SELP: variants seen among roughly 807,000 people sequenced by gnomAD.
The protein encoded by SELP is P-selectin.
In SELP, 92 loss-of-function variants were observed where a neutral mutation model predicts 104.1. The observed-to-expected ratio is 0.88, with a 90% CI of 0.75 to 1.05. SELP has a LOEUF of 1.05. Ranked by LOEUF, SELP falls within the 50% of genes least tolerant of loss-of-function variation. The probability of loss-of-function intolerance (pLI) is 0.00; values close to 1 mark genes in which losing one functional copy is unlikely to be tolerated. For synonymous variants in SELP, 397 were observed against 364.5 expected (o/e 1.09, Z -1.01); for missense variants, 1,022 against 1,017.3 (o/e 1.00, Z -0.06).
chr1:169,622,720 G>A (rs868767571), intron 1 of SELP, among the ~76,000 whole-genome samples: 21 of 152,090 alleles, frequency 1.4e-4, no homozygotes, highest in African/African-American at 3.6e-4. Context: ...GTAGAAAATT[G>A]AAATTTTATA....
rs1571634957 is a variant in SELP, at chr1:169,602,384, T to G, written c.1705+642A>C. 5.3e-5 allele frequency among the ~76,000 whole-genome samples: 8 copies of G among 152,272 alleles called. 1 individual carries two copies. The highest frequency in any genetic ancestry group is 5.2e-4 in the Admixed American group (8 of 15,290). The stretch of plus-strand genomic sequence containing the variant: ...GCTCAGTTGAAGGTGAATGTAGGAA[T>G]GAAGAAATGAAGAATGTAGCTGAAG... On this transcript the variant is annotated intron_variant, in intron 10 of 16. Coordinates refer to ENST00000263686, the MANE Select transcript of SELP (RefSeq NM_003005.4).
Position 169,593,697 on chromosome 1 carries a change from A to C in SELP, c.2315T>G (p.Leu772Arg). The change falls in exon 14 of 17, where the codon CTG becomes CGG. Residue 772 changes from leucine to arginine, a missense_variant. Coordinates refer to ENST00000263686, the MANE Select transcript of SELP (RefSeq NM_003005.4). The stretch of plus-strand genomic sequence containing the variant: ...AGCCACCGCTCCACCAAAGTAAGTC[A>C]GGGCTTCCTGGATAGTCAATGGTCC... ...QAGPLTIQEA[L>R]TYFGGAVAST... 1 of 1,613,560 alleles carries C rather than the reference A, an allele frequency of 6.2e-7. No homozygotes were observed. Among genetic ancestry groups the C allele is most frequent in the Non-Finnish European group, 8.5e-7 (1 of 1,179,574 alleles).
At chr1:169,626,678 A>C (rs1361052649) in intron 1 of SELP, among the ~76,000 whole-genome samples, 1 of 152,194 alleles carries the variant, frequency 6.6e-6, no homozygotes, top group Non-Finnish European at 1.5e-5. Context: ...GAACACATGC[A>C]CTTAATGGTG....
chr1:169,606,360 T>C (rs1662193585), intron 9 of SELP, among the ~76,000 whole-genome samples: 1 of 152,242 alleles, frequency 6.6e-6, no homozygotes. Flanking sequence ...AGAATGTTTA[T>C]ACTGAATCCA....
At chr1:169,610,037 T>A (rs1414282645) in intron 7 of SELP, among the ~76,000 whole-genome samples, 2 of 152,144 alleles carry the variant, frequency 1.3e-5, no homozygotes, top group Non-Finnish European at 2.9e-5. Flanking sequence ...CGTGGTCTCC[T>A]CGAAGTTGGG....
chr1:169,606,791 G>A (rs931138358), intron 9 of SELP, among the ~76,000 whole-genome samples, 158 bp downstream of exon 9: 2 of 152,192 alleles, frequency 1.3e-5, no homozygotes, highest in Non-Finnish European at 2.9e-5. Context: ...TTGCATTTGG[G>A]ATCCTTGGGT....
At chr1:169,625,922 C>T (rs1663349989) in intron 1 of SELP, among the ~76,000 whole-genome samples, 1 of 151,928 alleles carries the variant, frequency 6.6e-6, no homozygotes, top group Non-Finnish European at 1.5e-5. Context: ...AAAATATTAA[C>T]AGAATATAGC....
chr1:169,615,355 G>A (rs1662750970), intron 3 of SELP, among the ~76,000 whole-genome samples: 1 of 152,194 alleles, frequency 6.6e-6, no homozygotes, highest in Non-Finnish European at 1.5e-5. Flanking sequence ...ACCCATCTGT[G>A]TTCAGGTAAA....
intron 1 of SELP, among the ~76,000 whole-genome samples, chr1:169,622,912 C>T (rs1366822544): frequency 6.6e-6 from 1 of 152,138 alleles, no homozygotes; most frequent in African/African-American, 2.4e-5. Flanking sequence ...GCAGATCATG[C>T]TAGTACTTTA....
intron 10 of SELP, among the ~76,000 whole-genome samples, chr1:169,601,970 A>G (rs934204616): frequency 6.6e-6 from 1 of 152,226 alleles, no homozygotes; most frequent in Non-Finnish European, 1.5e-5. Flanking sequence ...GCAACTAAAC[A>G]GGAGCTATGA....
rs1422764634 is a variant in SELP at position 169,596,078 on chromosome 1, G to A, written c.1948C>T (p.Gln650Ter). 3.7e-6 allele frequency: 6 copies of A among 1,613,788 alleles called. No individual in the cohort carries two copies. The highest frequency in any genetic ancestry group is 5.1e-6 in the Non-Finnish European group (6 of 1,179,852). Residue 650 changes from glutamine to a stop codon, truncating the protein, a stop_gained, in exon 12 of 17, where the codon CAG becomes TAG. Coordinates refer to ENST00000263686, the MANE Select transcript of SELP (RefSeq NM_003005.4). LOFTEE classifies it high-confidence loss of function. Reference sequence around the variant, plus strand: ...TGATGCCTACAGTACATGGTTCCCTGCCCAGGAGTGGTGAGGGCTGGACAT... The same window carrying A: ...TGATGCCTACAGTACATGGTTCCCTACCCAGGAGTGGTGAGGGCTGGACAT... ...VQCPALTTPG[Q>*]GTMYCRHHPG...
At chr1:169,620,777 G>A (rs1284356965) in intron 1 of SELP, among the ~76,000 whole-genome samples, 1 of 150,748 alleles carries the variant, frequency 6.6e-6, no homozygotes, top group Non-Finnish European at 1.5e-5. Context: ...GATGTAGGGT[G>A]CATGGGACGG....
rs562043640 is a variant in SELP, at chr1:169,613,689, G to T, written c.486C>A (p.Ser162=). 7 of 1,613,606 alleles carry T rather than the reference G, an allele frequency of 4.3e-6. No homozygotes were observed. The East Asian group carries it at 1.6e-4, about 36-fold the overall frequency. The part of the protein sequence containing the change: ...KKKHALCYTA[S]CQDMSCSKQG... ...GTTTGCTGCAGGACATGTCCTGGCAGGAGGCTGCATAGATATGGAAAGGTC... is the reference window on the plus strand; with the variant it reads ...GTTTGCTGCAGGACATGTCCTGGCATGAGGCTGCATAGATATGGAAAGGTC... The change falls in exon 4 of 17, where the codon TCC becomes TCA. Residue 162 remains serine, a synonymous_variant. Transcript: ENST00000263686.
chr1:169,619,927 G>T (rs1037785209), intron 1 of SELP, among the ~76,000 whole-genome samples: 1 of 152,114 alleles, frequency 6.6e-6, no homozygotes, highest in East Asian at 1.9e-4. Flanking sequence ...TTGGGGCCAG[G>T]CACAGTGGCT....
rs541735574 is a variant in SELP at position 169,611,509 on chromosome 1, G to C, written c.1130C>G (p.Pro377Arg). ...RCIDSGHWSA[P>R]LPTCEAISCE... is the part of the protein sequence containing the mutation. ...AATCCTACCCTCACAGGTTGGCAAG[G>C]GTGCAGACCAGTGTCCAGAGTCAAT... Residue 377 changes from proline to arginine, a missense_variant, in exon 7 of 17, where the codon CCC becomes CGC. Pro to Arg is a moderately radical substitution (Grantham distance 103). Transcript: ENST00000263686. 3 of 1,613,804 alleles carry C rather than the reference G, an allele frequency of 1.9e-6. No homozygotes were observed. Among genetic ancestry groups the C allele is most frequent in the Admixed American group, 1.7e-5 (1 of 59,970 alleles).
chr1:169,591,901 G>T (rs1005569108), intron 14 of SELP, among the ~76,000 whole-genome samples: 1 of 152,104 alleles, frequency 6.6e-6, no homozygotes, highest in Non-Finnish European at 1.5e-5. Flanking sequence ...TTTGGCCATA[G>T]AAAACTTCAA....
chr1:169,613,211 C>T (rs1662637533), intron 4 of SELP, 97 bp from the exon 5 acceptor site: 1 of 1,167,650 alleles, frequency 8.6e-7, no homozygotes, highest in South Asian at 1.8e-5. Context: ...ACCCTCTTAA[C>T]TCTAATTTTC....
chr1:169,625,329 A>C (rs1024934207), intron 1 of SELP, among the ~76,000 whole-genome samples: 1 of 152,032 alleles, frequency 6.6e-6, no homozygotes, highest in Non-Finnish European at 1.5e-5. Flanking sequence ...ATCTACCTCA[A>C]TCCTCTGCCT....
At chr1:169,608,367 C>T (rs1349796778) in intron 8 of SELP, among the ~76,000 whole-genome samples, 1 of 152,018 alleles carries the variant, frequency 6.6e-6, no homozygotes, top group Non-Finnish European at 1.5e-5. Context: ...TCCCTATTTC[C>T]CTCTTCCGCC....
Sources: allele counts gnomAD v4.1 joint callset (sites outside exome capture counted in the v4.1 genomes callset), GRCh38; gene constraint gnomAD v4.1.1; transcripts MANE v1.5; gene names NCBI Gene and HGNC (gene_info 2026-07-23, HGNC 2026-07-21).